The following PWP1 variants were observed in gnomAD, a reference collection of about 807,000 sequenced individuals.
The protein encoded by PWP1 is periodic tryptophan protein 1 homolog.
PWP1 carries 47 observed loss-of-function variants against 69.9 expected under a neutral mutation model. The observed-to-expected ratio is 0.67, with a 90% confidence interval of 0.53 to 0.86. The LOEUF (loss-of-function observed/expected upper bound fraction) is 0.86. Among genes scored for constraint, PWP1 ranks in the 40% least tolerant of loss-of-function variants. The probability of loss-of-function intolerance (pLI) is 0.00; values close to 1 mark genes in which losing one functional copy is unlikely to be tolerated. For missense variants in PWP1, 551 were observed against 608.8 expected, an observed-to-expected ratio of 0.91 and a Z score of 1.00; for synonymous variants, 222 against 208.2, an observed-to-expected ratio of 1.07 and a Z score of -0.57.
chr12:107,701,212 G>C (rs1889702837), intron 8 of PWP1, among the ~76,000 whole-genome samples: 1 of 151,888 alleles, frequency 6.6e-6, no homozygotes, highest in African/African-American at 2.4e-5. Flanking sequence ...CTGTAGTCTT[G>C]ACCTTCTGGG....
chr12:107,708,901 C>T (rs1889882291), intron 11 of PWP1, 25 bp from the exon 12 acceptor site: 3 of 1,600,912 alleles, frequency 1.9e-6, no homozygotes, highest in Non-Finnish European at 2.6e-6. Context: ...GTAGCATGAC[C>T]TTGCCCATCT....
intron 8 of PWP1, 55 bp downstream of exon 8, chr12:107,699,489 A>T: frequency 7.3e-7 from 1 of 1,373,946 alleles, no homozygotes; most frequent in East Asian, 2.3e-5. Context: ...TTGTGATCTT[A>T]CCTCATGCCT....
chr12:107,705,740 A>AT (rs1889810691), intron 11 of PWP1, among the ~76,000 whole-genome samples: 1 of 152,062 alleles, frequency 6.6e-6, no homozygotes. Flanking sequence ...TCCATGGTGT[A>AT]TATGTGCCAC....
rs916076435 is a variant in PWP1, at chr12:107,692,800, A to G, written c.320-14A>G. ...GACTATTTTATTATTGTAGTTTGTC[A>G]ATTTTTCTTACAGATGCTGAGACTC... On this transcript the variant is annotated splice_polypyrimidine_tract_variant and intron_variant, in intron 3 of 14. Transcript: ENST00000412830. 3.8e-6 allele frequency: 6 copies of G among 1,597,034 alleles called. No homozygotes were observed. The highest frequency in any genetic ancestry group is 1.3e-5 in the African/African-American group (1 of 74,296).
At chr12:107,698,199 T>C (rs1003446012) in intron 7 of PWP1, among the ~76,000 whole-genome samples, 6 of 152,276 alleles carry the variant, frequency 3.9e-5, no homozygotes, top group Non-Finnish European at 7.4e-5. Context: ...CTGTCTCTAC[T>C]AAATATACAA....
At chr12:107,693,270 G>GT (rs1212023362) in intron 5 of PWP1, among the ~76,000 whole-genome samples, 174 bp downstream of exon 5, 4 of 152,088 alleles carry the variant, frequency 2.6e-5, no homozygotes, top group Admixed American at 2.6e-4. Flanking sequence ...GGTATGTGTA[G>GT]TCCAGTACAT....
chr12:107,692,505 G>T (rs1465899098), intron 3 of PWP1, among the ~76,000 whole-genome samples: 1 of 152,212 alleles, frequency 6.6e-6, no homozygotes, highest in African/African-American at 2.4e-5. Context: ...AATCATGAAT[G>T]CAGGGAGCTA....
intron 11 of PWP1, among the ~76,000 whole-genome samples, chr12:107,707,678 G>C (rs1381569217): frequency 6.6e-6 from 1 of 152,182 alleles, no homozygotes; most frequent in Admixed American, 6.5e-5. Context: ...CTTTGGTTCT[G>C]TTTATATGCT....
At position 107,688,703 on chromosome 12, in the gene PWP1, G is replaced by C; in HGVS notation, c.220G>C (p.Glu74Gln). The change falls in exon 3 of 15, where the codon GAG becomes CAG. Residue 74 changes from glutamate to glutamine, a missense_variant. By Grantham distance (29) the Glu-to-Gln change is conservative. Coordinates refer to ENST00000412830, the MANE Select transcript of PWP1 (RefSeq NM_007062.3). The part of the protein sequence containing the change: ...QSARTQARPR[E>Q]PLEDGDPEDD... Reference sequence around the variant, plus strand: ...TGCACGCACCCAGGCACGCCCAAGAGAGCCCCTGGAGGATGGTGACCCAGA... The same window carrying C: ...TGCACGCACCCAGGCACGCCCAAGACAGCCCCTGGAGGATGGTGACCCAGA... 3 of 1,614,230 alleles carry C rather than the reference G, an allele frequency of 1.9e-6. No homozygotes were observed. The highest frequency in any genetic ancestry group is 2.2e-5 in the East Asian group (1 of 44,886).
At chr12:107,694,127 G>A (rs10778569) in intron 5 of PWP1, among the ~76,000 whole-genome samples, 95,089 of 152,006 alleles carry the variant, frequency 0.63, 30,165 homozygotes, top group East Asian at 0.7. Flanking sequence ...TCACTTTGGT[G>A]TTTTTAATGT....
At chr12:107,700,794 A>G (rs1209206801) in intron 8 of PWP1, among the ~76,000 whole-genome samples, 2 of 152,210 alleles carry the variant, frequency 1.3e-5, no homozygotes, top group African/African-American at 4.8e-5. Flanking sequence ...CCAACAATGC[A>G]CACAAGGGCT....
chr12:107,690,756 G>A (rs567244263), intron 3 of PWP1, among the ~76,000 whole-genome samples: 1 of 152,178 alleles, frequency 6.6e-6, no homozygotes, highest in African/African-American at 2.4e-5. Context: ...AGTCGAAAAT[G>A]ACATTGAGGA....
chr12:107,709,471 C>G (rs1489290180), intron 13 of PWP1, among the ~76,000 whole-genome samples: 1 of 149,378 alleles, frequency 6.7e-6, no homozygotes, highest in African/African-American at 2.5e-5. Flanking sequence ...CTTGGTAAGG[C>G]TGGGGAGAGG....
At chr12:107,693,426 C>T (rs1186368477) in intron 5 of PWP1, among the ~76,000 whole-genome samples, 2 of 152,042 alleles carry the variant, frequency 1.3e-5, no homozygotes, top group Non-Finnish European at 2.9e-5. Context: ...CCTGATTTGG[C>T]CTCCCAAAGT....
intron 1 of PWP1, 67 bp from the exon 2 acceptor site, chr12:107,688,380 AC>A: frequency 1.4e-6 from 2 of 1,429,294 alleles, no homozygotes; most frequent in Non-Finnish European, 1.9e-6. Flanking sequence ...TTTGCAAACT[AC>A]TTTTTAATTC....
chr12:107,685,963 C>T lies in PWP1; in HGVS notation c.64C>T (p.Pro22Ser). ...CCGCTGCGGCGTGGCCAAAGAGACA[C>T]CAGACAAGGTGAGGCCTGGTCGCTG... ...WVRCGVAKETPDKVELSKEEV... is the reference protein window; with the variant it reads ...WVRCGVAKETSDKVELSKEEV... Residue 22 changes from proline to serine, a missense_variant, in exon 1 of 15, where the codon CCA becomes TCA. Transcript: ENST00000412830. The T allele has an allele frequency of 6.2e-7, 1 of 1,613,938 alleles. No individual in the cohort carries two copies. The highest frequency in any genetic ancestry group is 8.5e-7 in the Non-Finnish European group (1 of 1,179,960).
intron 8 of PWP1, among the ~76,000 whole-genome samples, chr12:107,700,192 CAT>C (rs918150806): frequency 7.9e-5 from 12 of 152,172 alleles, no homozygotes; most frequent in Admixed American, 2.6e-4. Flanking sequence ...TGGGTGGGGA[CAT>C]AGCCAAATCC....
intron 6 of PWP1, among the ~76,000 whole-genome samples, chr12:107,697,003 G>T (rs1001012369): frequency 2.0e-5 from 3 of 152,192 alleles, no homozygotes; most frequent in Admixed American, 2.0e-4. Context: ...GTTAGTCTTT[G>T]TAACCACATC....
At chr12:107,709,798 T>A (rs1249723786) in intron 13 of PWP1, among the ~76,000 whole-genome samples, 1 of 152,000 alleles carries the variant, frequency 6.6e-6, no homozygotes, top group Non-Finnish European at 1.5e-5. Context: ...TGAATAAATA[T>A]ATATAAATAT....
Sources: gnomAD v4.1 joint callset for allele counts (sites outside exome capture counted in the v4.1 genomes callset) on GRCh38, gnomAD v4.1.1 for gene constraint, MANE v1.5 for transcripts, NCBI Gene and HGNC (gene_info 2026-07-23, HGNC 2026-07-21) for gene names.